The following MC4R variants were observed in gnomAD, a reference collection of about 807,000 sequenced individuals.
The protein encoded by MC4R is melanocortin 4 receptor.
A neutral mutation model predicts 16.1 loss-of-function variants in MC4R; 15 were observed. The observed-to-expected ratio is 0.93, with a 90% CI of 0.62 to 1.44. MC4R has a LOEUF of 1.44. Among genes scored for constraint, MC4R ranks in the 40% most tolerant of loss-of-function variants. The pLI, the probability that MC4R is intolerant of heterozygous loss-of-function variation, is 0.00. For synonymous variants in MC4R, 162 were observed against 151.7 expected, an observed-to-expected ratio of 1.07 and a Z score of -0.50; for missense variants, 416 against 411.4, an observed-to-expected ratio of 1.01 and a Z score of -0.10.
chr18:60,371,544 A>T lies in MC4R; in HGVS notation c.806T>A (p.Ile269Asn), dbSNP rs79783591. The change falls in exon 1 of 1, where the codon ATC (isoleucine) becomes AAC (asparagine). Residue 269 changes from isoleucine (I) to asparagine (N), a missense_variant. Ile to Asn is a moderately radical substitution (Grantham distance 149, BLOSUM62 -3). Coordinates refer to ENST00000299766, the MANE Select transcript of MC4R (RefSeq NM_005912.3). Reference protein sequence around the residue: ...APFFLHLIFYISCPQNPYCVC... With the variant: ...APFFLHLIFYNSCPQNPYCVC... ...ACAATATGGATTCTGAGGACAAGAG[A>T]TGTAGAATATTAAGTGGAGGAAGAA... is the stretch of plus-strand genomic sequence containing the variant. The T allele has an allele frequency of 1.9e-4, 310 of 1,614,220 alleles. 4 individuals carry two copies. The Admixed American group carries it at 5.1e-3, about 26-fold the overall frequency.
At position 60,372,710 on chromosome 18, in the gene MC4R, G is replaced by A. The variant is rs1898497473; in HGVS notation, c.-361C>T. ...ATGCCATTGGGAGACGAATCTGTGC[G>A]CACATGCTCACATCGGCTGCCTCTC... On this transcript the variant is annotated 5_prime_UTR_variant, in exon 1 of 1. Transcript: ENST00000299766. 3.1e-6 allele frequency: 1 copy of A among 319,402 alleles called. No homozygotes were observed. The highest frequency in any genetic ancestry group is 6.3e-6 in the Non-Finnish European group (1 of 157,532). The allele number at this position is 319,402 out of a possible 1,614,324, so 19.8% of individuals were successfully genotyped here.
chr18:60,371,914 C>T lies in MC4R; in HGVS notation c.436G>A (p.Asp146Asn), dbSNP rs754646857. 1.9e-6 allele frequency: 3 copies of T among 1,613,948 alleles called. No individual in the cohort carries two copies. The highest frequency in any genetic ancestry group is 1.3e-5 in the African/African-American group (1 of 74,892). The change falls in exon 1 of 1, where the codon GAC becomes AAC. Residue 146 changes from aspartate (D) to asparagine (N), a missense_variant. Asp to Asn is a conservative substitution (Grantham distance 23). Coordinates refer to ENST00000299766, the MANE Select transcript of MC4R (RefSeq NM_005912.3). ...SICSLLSIAV[D>N]RYFTIFYALQ... ...GCATAGAAGATAGTAAAGTACCTGT[C>T]CACTGCAATTGAAAGCAGGCTGCAA...
chr18:60,372,069 C>T lies in MC4R; in HGVS notation c.281G>A (p.Ser94Asn), dbSNP rs772213710. Residue 94 changes from serine (S) to asparagine (N), a missense_variant, in exon 1 of 1, where the codon AGC becomes AAC. Physicochemically the swap from Ser to Asn is conservative, Grantham distance 46 (BLOSUM62 1). Transcript: ENST00000299766. ...AATGGTTTCTGATCCATTTGAAACGCTCACCAGCATATCAGCCACAGCCAA... is the reference window on the plus strand; with the variant it reads ...AATGGTTTCTGATCCATTTGAAACGTTCACCAGCATATCAGCCACAGCCAA... ...CSLAVADMLV[S>N]VSNGSETIVI... is the part of the protein sequence containing the mutation. The T allele has an allele frequency of 2.5e-6, 4 of 1,614,202 alleles. No homozygotes were observed. Among genetic ancestry groups the T allele is most frequent in the East Asian group, 2.2e-5 (1 of 44,882 alleles).
rs777429320 is a variant in MC4R at position 60,372,047 on chromosome 18, G to T, written c.303C>A (p.Thr101=). 2 of 1,614,166 alleles carry T rather than the reference G, an allele frequency of 1.2e-6. No individual in the cohort carries two copies. Among genetic ancestry groups the T allele is most frequent in the Non-Finnish European group, 1.7e-6 (2 of 1,180,016 alleles). The change falls in exon 1 of 1, where the codon ACC becomes ACA. Residue 101 remains threonine (T), a synonymous_variant. Coordinates refer to ENST00000299766, the MANE Select transcript of MC4R (RefSeq NM_005912.3). ...MLVSVSNGSE[T]IVITLLNSTD... ...TACTGTTTAATAGGGTGATGACAAT[G>T]GTTTCTGATCCATTTGAAACGCTCA...
In MC4R at chr18:60,372,271, C is replaced by T. The variant is rs745919097; in HGVS notation, c.79G>A (p.Ala27Thr). The change falls in exon 1 of 1, where the codon GCC becomes ACC. Residue 27 changes from alanine (A) to threonine (T), a missense_variant. Ala to Thr is a moderately conservative substitution (Grantham distance 58, BLOSUM62 0). Coordinates refer to ENST00000299766, the MANE Select transcript of MC4R (RefSeq NM_005912.3). ...NRSSYRLHSNASESLGKGYSD... is the reference protein window; with the variant it reads ...NRSSYRLHSNTSESLGKGYSD... Reference sequence around the variant, plus strand: ...TAGCCTTTTCCAAGGGACTCACTGGCATTGCTGTGCAGTCTGTAACTGCTG... The same window carrying T: ...TAGCCTTTTCCAAGGGACTCACTGGTATTGCTGTGCAGTCTGTAACTGCTG... The T allele has an allele frequency of 1.2e-6, 2 of 1,614,232 alleles. No individual in the cohort carries two copies. Among genetic ancestry groups the T allele is most frequent in the Non-Finnish European group, 1.7e-6 (2 of 1,180,034 alleles).
chr18:60,372,587 T>A lies in MC4R; in HGVS notation c.-238A>T. 1.7e-6 allele frequency: 1 copy of A among 579,834 alleles called. No individual in the cohort carries two copies. The highest frequency in any genetic ancestry group is 3.2e-6 in the Non-Finnish European group (1 of 315,990). 35.9% of individuals were successfully genotyped at this position (579,834 alleles called of 1,614,324 possible). A position where few individuals can be genotyped will look rare whatever the true frequency, so the allele number is the denominator to read the frequency against. On this transcript the variant is annotated 5_prime_UTR_variant, in exon 1 of 1. Coordinates refer to ENST00000299766, the MANE Select transcript of MC4R (RefSeq NM_005912.3). Reference sequence around the variant, plus strand: ...TGGGCTTCAAAATATTCATTCTCAGTTGAAAGAGTCTGCTCTTTGCTTTCT... The same window carrying A: ...TGGGCTTCAAAATATTCATTCTCAGATGAAAGAGTCTGCTCTTTGCTTTCT...
rs193922687 is a variant in MC4R, at chr18:60,371,513, GCA to G, written c.835_836del (p.Cys279LeufsTer6). ...ISCPQNPYCV[C>X]FMSHFNLYLI... Reference sequence around the variant, plus strand: ...GATACAAGTTAAAGTGAGACATGAAGCACACACAATATGGATTCTGAGGACAA... The same window carrying G: ...GATACAAGTTAAAGTGAGACATGAAGCACACAATATGGATTCTGAGGACAA... On this transcript the variant is annotated frameshift_variant, in exon 1 of 1. Coordinates refer to ENST00000299766, the MANE Select transcript of MC4R (RefSeq NM_005912.3). LOFTEE classifies it high-confidence loss of function. 1 of 1,614,190 alleles carries G rather than the reference GCA, an allele frequency of 6.2e-7. No homozygotes were observed. The highest frequency in any genetic ancestry group is 2.2e-5 in the East Asian group (1 of 44,882).
In MC4R at chr18:60,371,518, C is replaced by T. The variant is rs1378696771; in HGVS notation, c.832G>A (p.Val278Met). Reference protein sequence around the residue: ...YISCPQNPYCVCFMSHFNLYL... With the variant: ...YISCPQNPYCMCFMSHFNLYL... ...AAGTTAAAGTGAGACATGAAGCACA[C>T]ACAATATGGATTCTGAGGACAAGAG... Residue 278 changes from valine (V) to methionine (M), a missense_variant, in exon 1 of 1, where the codon GTG (valine) becomes ATG (methionine). Val to Met is a conservative substitution (Grantham distance 21). Transcript: ENST00000299766. 1 of 1,614,154 alleles carries T rather than the reference C, an allele frequency of 6.2e-7. No homozygotes were observed. The highest frequency in any genetic ancestry group is 2.2e-5 in the East Asian group (1 of 44,870).
Position 60,372,538 on chromosome 18 carries a change from C to T in MC4R, c.-189G>A, listed in dbSNP as rs1001066259. The T allele has an allele frequency of 1.6e-6, 1 of 640,944 alleles. No individual in the cohort carries two copies. The highest frequency in any genetic ancestry group is 1.8e-5 in the African/African-American group (1 of 54,430). The allele number at this position is 640,944 out of a possible 1,614,324, so 39.7% of individuals were successfully genotyped here. The stretch of plus-strand genomic sequence containing the variant: ...TTTTTAGTCTCTTTTAGGTACGACT[C>T]TAATCATCATCACTTTAAAATCTTG... On this transcript the variant is annotated 5_prime_UTR_variant, in exon 1 of 1. Coordinates refer to ENST00000299766, the MANE Select transcript of MC4R (RefSeq NM_005912.3).
chr18:60,372,106 A>G lies in MC4R; in HGVS notation c.244T>C (p.Phe82Leu), dbSNP rs188384098. ...TCAGCCACAGCCAAGCTGCAGATGA[A>G]AAAGTACATGGGTGAATGCAGATTC... The part of the protein sequence containing the change: ...NKNLHSPMYF[F>L]ICSLAVADML... The change falls in exon 1 of 1, where the codon TTC becomes CTC. Residue 82 changes from phenylalanine to leucine, a missense_variant. Phe to Leu is a conservative substitution (Grantham distance 22). Coordinates refer to ENST00000299766, the MANE Select transcript of MC4R (RefSeq NM_005912.3). 2 of 1,614,254 alleles carry G rather than the reference A, an allele frequency of 1.2e-6. No homozygotes were observed. Among genetic ancestry groups the G allele is most frequent in the East Asian group, 4.5e-5 (2 of 44,890 alleles).
At position 60,372,275 on chromosome 18, in the gene MC4R, G is replaced by A; in HGVS notation, c.75C>T (p.Ser25=). 2.5e-6 allele frequency: 4 copies of A among 1,614,224 alleles called. No homozygotes were observed. The highest frequency in any genetic ancestry group is 2.5e-6 in the Non-Finnish European group (3 of 1,180,042). The stretch of plus-strand genomic sequence containing the variant: ...CTTTTCCAAGGGACTCACTGGCATT[G>A]CTGTGCAGTCTGTAACTGCTGCGGT... The part of the protein sequence containing the change: ...LWNRSSYRLH[S]NASESLGKGY... The change falls in exon 1 of 1, where the codon AGC becomes AGT. Residue 25 remains serine (S), a synonymous_variant. Transcript: ENST00000299766.
In MC4R at chr18:60,371,807, G is replaced by C. The variant is rs372207631; in HGVS notation, c.543C>G (p.Gly181=). ...TATCTGAGTAAATGATGAACAAAAT[G>C]CCTGAAACCGTGCAAGCTGCCCAGA... ...SCIWAACTVS[G]ILFIIYSDSS... The change falls in exon 1 of 1, where the codon GGC becomes GGG. Residue 181 remains glycine (G), a synonymous_variant. Transcript: ENST00000299766. 1.2e-6 allele frequency: 2 copies of C among 1,614,128 alleles called. No homozygotes were observed. Among genetic ancestry groups the C allele is most frequent in the Non-Finnish European group, 1.7e-6 (2 of 1,180,026 alleles).
Position 60,371,146 on chromosome 18 carries a change from C to T in MC4R, c.*205G>A. Reference sequence around the variant, plus strand: ...TATAACATAGATTCATATTTTATGGCCAAAAAAGTAGCATGACATTGGAAA... The same window carrying T: ...TATAACATAGATTCATATTTTATGGTCAAAAAAGTAGCATGACATTGGAAA... On this transcript the variant is annotated 3_prime_UTR_variant, in exon 1 of 1. Transcript: ENST00000299766. 1 of 582,640 alleles carries T rather than the reference C, an allele frequency of 1.7e-6. No individual in the cohort carries two copies. The highest frequency in any genetic ancestry group is 3.0e-6 in the Non-Finnish European group (1 of 331,784). The allele number at this position is 582,640 out of a possible 1,614,324, so 36.1% of individuals were successfully genotyped here. A position where few individuals can be genotyped will look rare whatever the true frequency, so the allele number is the denominator to read the frequency against.
Position 60,372,371 on chromosome 18 carries a change from T to TC in MC4R, c.-23dup. On this transcript the variant is annotated 5_prime_UTR_variant, in exon 1 of 1. Transcript: ENST00000299766. ...CCATGCTGGCAGGAGAATTCCAGTGTCCCCCTGAATTGATTTAACCTCCTG... is the reference window on the plus strand; with the variant it reads ...CCATGCTGGCAGGAGAATTCCAGTGTCCCCCCTGAATTGATTTAACCTCCTG... 1 of 1,613,278 alleles carries TC rather than the reference T, an allele frequency of 6.2e-7. No individual in the cohort carries two copies. The highest frequency in any genetic ancestry group is 8.5e-7 in the Non-Finnish European group (1 of 1,179,842).
chr18:60,372,024 C>T lies in MC4R; in HGVS notation c.326G>A (p.Ser109Asn), dbSNP rs1598932297. 2 of 1,614,164 alleles carry T rather than the reference C, an allele frequency of 1.2e-6. No homozygotes were observed. Among genetic ancestry groups the T allele is most frequent in the African/African-American group, 1.3e-5 (1 of 75,046 alleles). Residue 109 changes from serine to asparagine, a missense_variant, in exon 1 of 1, where the codon AGT (serine) becomes AAT (asparagine). Coordinates refer to ENST00000299766, the MANE Select transcript of MC4R (RefSeq NM_005912.3). ...SETIVITLLN[S>N]TDTDAQSFTV... is the part of the protein sequence containing the mutation. ...GAAACTCTGTGCATCCGTATCTGTA[C>T]TGTTTAATAGGGTGATGACAATGGT...
chr18:60,372,154 T>C lies in MC4R; in HGVS notation c.196A>G (p.Ile66Val). ...TTCTTGTTCTTGGCTATTGCCACAATCACTAAGATATTCTCCAACAAGCTG... is the reference window on the plus strand; with the variant it reads ...TTCTTGTTCTTGGCTATTGCCACAACCACTAAGATATTCTCCAACAAGCTG... ...VISLLENILV[I>V]VAIAKNKNLH... is the part of the protein sequence containing the mutation. Residue 66 changes from isoleucine to valine, a missense_variant, in exon 1 of 1, where the codon ATT (isoleucine) becomes GTT (valine). Physicochemically the swap from Ile to Val is conservative, Grantham distance 29 (BLOSUM62 3). Coordinates refer to ENST00000299766, the MANE Select transcript of MC4R (RefSeq NM_005912.3). 6.2e-7 allele frequency: 1 copy of C among 1,614,196 alleles called. No homozygotes were observed. The highest frequency in any genetic ancestry group is 8.5e-7 in the Non-Finnish European group (1 of 1,180,022).
Position 60,371,518 on chromosome 18 carries a change from C to A in MC4R, c.832G>T (p.Val278Leu), listed in dbSNP as rs1378696771. 4 of 1,614,036 alleles carry A rather than the reference C, an allele frequency of 2.5e-6. No homozygotes were observed. In the Admixed American group the frequency reaches 6.7e-5, roughly 27 times the overall value. ...AAGTTAAAGTGAGACATGAAGCACA[C>A]ACAATATGGATTCTGAGGACAAGAG... Reference protein sequence around the residue: ...YISCPQNPYCVCFMSHFNLYL... With the variant: ...YISCPQNPYCLCFMSHFNLYL... The change falls in exon 1 of 1, where the codon GTG becomes TTG. Residue 278 changes from valine (V) to leucine (L), a missense_variant. Val to Leu is a conservative substitution (Grantham distance 32, BLOSUM62 1). Coordinates refer to ENST00000299766, the MANE Select transcript of MC4R (RefSeq NM_005912.3).
rs1915346710 is a variant in MC4R at position 60,371,758 on chromosome 18, T to C, written c.592A>G (p.Ile198Val). ...SDSSAVIICL[I>V]TMFFTMLALM... Reference sequence around the variant, plus strand: ...GCCAGCATGGTGAAGAACATGGTGATGAGGCAGATGATGACAGCACTACTA... The same window carrying C: ...GCCAGCATGGTGAAGAACATGGTGACGAGGCAGATGATGACAGCACTACTA... Residue 198 changes from isoleucine to valine, a missense_variant, in exon 1 of 1, where the codon ATC becomes GTC. Ile to Val is a conservative substitution (Grantham distance 29). Coordinates refer to ENST00000299766, the MANE Select transcript of MC4R (RefSeq NM_005912.3). 1 of 1,614,176 alleles carries C rather than the reference T, an allele frequency of 6.2e-7. No homozygotes were observed.
Position 60,372,224 on chromosome 18 carries a change from CT to C in MC4R, c.125del (p.Glu42GlyfsTer11), listed in dbSNP as rs1915363587. 6.2e-7 allele frequency: 1 copy of C among 1,614,210 alleles called. No individual in the cohort carries two copies. Among genetic ancestry groups the C allele is most frequent in the Non-Finnish European group, 8.5e-7 (1 of 1,180,040 alleles). ...ACACCTCAGGAGAGACAAAAAGTTG[CT>C]CGTAGCACCCTCCATCAGAGTAGCC... is the stretch of plus-strand genomic sequence containing the variant. Reference protein sequence around the residue: ...GKGYSDGGCYEQLFVSPEVFV... With the variant: ...GKGYSDGGCYXQLFVSPEVFV... On this transcript the variant is annotated frameshift_variant, in exon 1 of 1. Coordinates refer to ENST00000299766, the MANE Select transcript of MC4R (RefSeq NM_005912.3). LOFTEE classifies it high-confidence loss of function.
Sources: gnomAD v4.1 joint callset for allele counts on GRCh38, gnomAD v4.1.1 for gene constraint, MANE v1.5 for transcripts, NCBI Gene and HGNC (gene_info 2026-07-23, HGNC 2026-07-21) for gene names.